MCUB: variants seen among roughly 807,000 people sequenced by gnomAD.
MCUB encodes calcium uniporter regulatory subunit MCUb, mitochondrial.
Under a neutral mutation model 41.4 loss-of-function variants are expected in MCUB, and 46 were observed. That is an observed-to-expected ratio of 1.11 (90% CI 0.88 to 1.42). MCUB has a LOEUF of 1.42. Among genes scored for constraint, MCUB ranks in the 40% most tolerant of loss-of-function variants. The pLI is 0.00. For missense variants in MCUB, 403 were observed against 404.9 expected (o/e 1.00, Z 0.04); for synonymous variants, 148 against 148.2 (o/e 1.00, Z 0.01).
chr4:109,669,449 C>A (rs1729409559), intron 4 of MCUB, among the ~76,000 whole-genome samples: 1 of 151,572 alleles, frequency 6.6e-6, no homozygotes, highest in African/African-American at 2.4e-5. Context: ...GAATTATTTT[C>A]TTTATCTTTG....
chr4:109,627,739 C>T (rs1728390900), intron 1 of MCUB, among the ~76,000 whole-genome samples: 2 of 151,992 alleles, frequency 1.3e-5, no homozygotes, highest in African/African-American at 2.4e-5. Flanking sequence ...ATGGTGAAAC[C>T]CTGTCTCTAG....
chr4:109,668,083 C>T (rs1729383369), intron 4 of MCUB, among the ~76,000 whole-genome samples: 1 of 151,810 alleles, frequency 6.6e-6, no homozygotes, highest in African/African-American at 2.4e-5. Context: ...ATGAGATGTT[C>T]CCTGTGAACT....
At chr4:109,685,023 A>C in intron 6 of MCUB, 1 of 411,626 alleles carries the variant, frequency 2.4e-6, no homozygotes, top group Non-Finnish European at 4.3e-6. Context: ...CTTTCCCATT[A>C]TGTGTAATTT....
chr4:109,683,914 G>GT (rs1729772982), intron 5 of MCUB, among the ~76,000 whole-genome samples: 1 of 152,168 alleles, frequency 6.6e-6, no homozygotes, highest in Non-Finnish European at 1.5e-5. Context: ...TCCAAGGGCA[G>GT]TTATTACCTT....
chr4:109,587,348 T>C (rs1296153481), intron 1 of MCUB, among the ~76,000 whole-genome samples: 1 of 152,228 alleles, frequency 6.6e-6, no homozygotes, highest in Non-Finnish European at 1.5e-5. Context: ...GTCCCGTTTT[T>C]CTGGGTACCG....
At chr4:109,565,535 C>T (rs2126122803) in intron 1 of MCUB, among the ~76,000 whole-genome samples, 1 of 152,230 alleles carries the variant, frequency 6.6e-6, no homozygotes, top group East Asian at 1.9e-4. Context: ...ATACTTAGCT[C>T]AGAGAACAGC....
At chr4:109,596,584 C>T (rs574960647) in intron 1 of MCUB, among the ~76,000 whole-genome samples, 1 of 152,266 alleles carries the variant, frequency 6.6e-6, no homozygotes, top group East Asian at 1.9e-4. Context: ...CATGGCAAAG[C>T]AGGGAGGACC....
At chr4:109,574,686 T>C (rs991401233) in intron 1 of MCUB, among the ~76,000 whole-genome samples, 2 of 152,090 alleles carry the variant, frequency 1.3e-5, no homozygotes, top group African/African-American at 2.4e-5. Context: ...TTAATAACCA[T>C]CATATGAGGA....
At chr4:109,680,336 T>A (rs1729688589) in intron 4 of MCUB, among the ~76,000 whole-genome samples, 1 of 152,152 alleles carries the variant, frequency 6.6e-6, no homozygotes, top group East Asian at 1.9e-4. Context: ...TTTTTGTAAA[T>A]TTTCATTTCC....
At chr4:109,647,191 A>G (rs1728858290) in intron 1 of MCUB, among the ~76,000 whole-genome samples, 1 of 151,814 alleles carries the variant, frequency 6.6e-6, no homozygotes, top group Admixed American at 6.6e-5. Context: ...TTGGTACACC[A>G]TTATCCCCCA....
At chr4:109,636,098 A>G (rs900581377) in intron 1 of MCUB, among the ~76,000 whole-genome samples, 6 of 152,212 alleles carry the variant, frequency 3.9e-5, no homozygotes, top group Non-Finnish European at 7.4e-5. Context: ...GGGACTGGGT[A>G]TCTAACTGAC....
intron 1 of MCUB, among the ~76,000 whole-genome samples, chr4:109,604,388 A>G (rs1348872855): frequency 6.6e-6 from 1 of 151,944 alleles, no homozygotes; most frequent in Admixed American, 6.5e-5. Flanking sequence ...AAATACTAAA[A>G]AAATTTAAAA....
At chr4:109,621,059 C>T (rs1030504757) in intron 1 of MCUB, among the ~76,000 whole-genome samples, 3 of 151,976 alleles carry the variant, frequency 2.0e-5, no homozygotes, top group Admixed American at 6.6e-5. Flanking sequence ...CCACCACGCC[C>T]GGCTAATTTT....
chr4:109,631,250 G>A (rs868223355), intron 1 of MCUB, among the ~76,000 whole-genome samples: 17 of 152,118 alleles, frequency 1.1e-4, no homozygotes, highest in Non-Finnish European at 1.2e-4. Flanking sequence ...CACTACACAC[G>A]GGCACTTGAT....
chr4:109,591,307 T>C (rs1407032373), intron 1 of MCUB, among the ~76,000 whole-genome samples: 2 of 151,944 alleles, frequency 1.3e-5, no homozygotes. Context: ...TGACTCAGCC[T>C]CCCGAGTAGC....
intron 1 of MCUB, among the ~76,000 whole-genome samples, chr4:109,594,657 CA>C (rs34929729): frequency 3.1e-4 from 45 of 143,106 alleles, no homozygotes; most frequent in African/African-American, 5.1e-4. Flanking sequence ...AGACTTGTCT[CA>C]AAAAAAAAAG....
chr4:109,631,528 C>T (rs981751725), intron 1 of MCUB, among the ~76,000 whole-genome samples: 24 of 152,150 alleles, frequency 1.6e-4, no homozygotes, highest in African/African-American at 5.5e-4. Flanking sequence ...AATACATGTT[C>T]GCAGGATTTT....
At chr4:109,646,046 A>G (rs1371481304) in intron 1 of MCUB, among the ~76,000 whole-genome samples, 3 of 151,878 alleles carry the variant, frequency 2.0e-5, no homozygotes, top group South Asian at 2.1e-4. Context: ...TGCCCCATTC[A>G]TGTGCTCCCC....
intron 1 of MCUB, among the ~76,000 whole-genome samples, chr4:109,629,926 A>G (rs941455237): frequency 6.6e-6 from 1 of 152,204 alleles, no homozygotes; most frequent in Non-Finnish European, 1.5e-5. Flanking sequence ...GAGATTGGGC[A>G]GTGGGGCTGA....
Sources: allele counts gnomAD v4.1 joint callset (sites outside exome capture counted in the v4.1 genomes callset), GRCh38; gene constraint gnomAD v4.1.1; transcripts MANE v1.5; gene names NCBI Gene and HGNC (gene_info 2026-07-23, HGNC 2026-07-21).